The following AFF2 variants were observed in gnomAD, a reference collection of about 807,000 sequenced individuals.
AFF2 encodes the protein AF4/FMR2 family member 2.
A neutral mutation model predicts 76.9 loss-of-function variants in AFF2; 14 were observed. The ratio of observed to expected loss-of-function variants is 0.18; its 90% CI spans 0.12 to 0.28. AFF2 has a LOEUF of 0.28. Among genes scored for constraint, AFF2 ranks in the 10% least tolerant of loss-of-function variants. The probability of loss-of-function intolerance (pLI) is 1.00; values close to 1 mark genes in which losing one functional copy is unlikely to be tolerated. For missense variants in AFF2, 868 were observed against 1,001.1 expected (o/e 0.87, Z 1.79); for synonymous variants, 398 against 366.7 (o/e 1.09, Z -0.98).
At chrX:148,947,944 A>G (rs1188688461) in intron 9 of AFF2, among the ~76,000 whole-genome samples, 2 of 112,459 alleles carry the variant, frequency 1.8e-5, no homozygotes, top group Admixed American at 1.9e-4. Context: ...CCCATTAAAC[A>G]TGTCTTGCTC....
At position 148,998,095 on chromosome X, in the gene AFF2, A is replaced by T. The variant is rs1178446554; in HGVS notation, c.*6763A>T. 8.9e-6 allele frequency: 1 copy of T among 111,854 alleles called. No individual in the cohort carries two copies. The highest frequency in any genetic ancestry group is 1.9e-5 in the Non-Finnish European group (1 of 53,201). The allele number at this position is 111,854 out of a possible 1,213,427, so 9.2% of individuals were successfully genotyped here. ...AATGTCAGTAGTGAGCCTTTTAGAG[A>T]TACCATGCTCAGAAATCCTCTTTGG... On this transcript the variant is annotated 3_prime_UTR_variant, in exon 21 of 21. Transcript: ENST00000370460.
intron 7 of AFF2, among the ~76,000 whole-genome samples, chrX:148,858,933 A>C (rs1323682016): frequency 9.2e-6 from 1 of 108,923 alleles, no homozygotes; most frequent in African/African-American, 3.3e-5. Flanking sequence ...AAAAGGGTAA[A>C]TGCTCAACCA....
intron 3 of AFF2, among the ~76,000 whole-genome samples, chrX:148,803,056 C>G (rs1319663641): frequency 9.0e-6 from 1 of 111,174 alleles, no homozygotes; most frequent in Non-Finnish European, 1.9e-5. Flanking sequence ...GATTTTGATC[C>G]TAAATGGTCT....
intron 2 of AFF2, among the ~76,000 whole-genome samples, chrX:148,656,593 G>A (rs1040073669): frequency 3.1e-5 from 3 of 97,023 alleles, no homozygotes; most frequent in South Asian, 1.1e-3. Context: ...TCCGCCTCCC[G>A]GGTTCACGCC....
At chrX:148,656,522 C>T (rs1376775960) in intron 2 of AFF2, among the ~76,000 whole-genome samples, 1 of 74,133 alleles carries the variant, frequency 1.3e-5, no homozygotes, top group South Asian at 8.4e-4. Context: ...TTTTTTGAGA[C>T]GGAGTCTCGC....
At chrX:148,572,374 A>G (rs138727740) in intron 1 of AFF2, among the ~76,000 whole-genome samples, 2 of 112,019 alleles carry the variant, frequency 1.8e-5, no homozygotes, top group African/African-American at 6.5e-5. Flanking sequence ...CTAAATATCG[A>G]ATTTTCATGT....
In AFF2 at chrX:148,653,892, C is replaced by T. The variant is rs190873983; in HGVS notation, c.180+1761C>T. ...AAAACAATTAATTTAGTTTTGAGTG[C>T]GTTGGCTTTGAGATGCTAGAGAGAT... On this transcript the variant is annotated intron_variant, in intron 2 of 20. Coordinates refer to ENST00000370460, the MANE Select transcript of AFF2 (RefSeq NM_002025.4). Among the ~76,000 whole-genome samples the T allele has an allele frequency of 6.8e-3, 755 of 111,188 alleles. 1 individual carries two copies. Among genetic ancestry groups the T allele is most frequent in the Non-Finnish European group, 0.011 (582 of 52,987 alleles).
chrX:148,562,789 C>T (rs1557240895), intron 1 of AFF2, among the ~76,000 whole-genome samples: 1 of 111,597 alleles, frequency 9.0e-6, no homozygotes, highest in African/African-American at 3.3e-5. Flanking sequence ...TGAAAGGGGC[C>T]TGCCAAACTG....
chrX:148,837,867 A>C (rs1382925027), intron 5 of AFF2, 134 bp downstream of exon 5: 2 of 431,868 alleles, frequency 4.6e-6, no homozygotes, highest in Non-Finnish European at 8.1e-6. Context: ...CCCTCAGAAT[A>C]GCAATATAAA....
chrX:148,920,248 G>A (rs782455631), intron 9 of AFF2, among the ~76,000 whole-genome samples: 31 of 111,395 alleles, frequency 2.8e-4, no homozygotes, highest in Non-Finnish European at 4.7e-4. Flanking sequence ...ATTGATCCTT[G>A]TAACATTTGG....
chrX:148,616,397 A>G (rs1437785423), intron 1 of AFF2, among the ~76,000 whole-genome samples: 2 of 111,546 alleles, frequency 1.8e-5, no homozygotes, highest in African/African-American at 6.5e-5. Context: ...GAATTTCTTT[A>G]CTTCTACCTT....
intron 19 of AFF2, among the ~76,000 whole-genome samples, chrX:148,985,285 CTTTTTTTTTTTTT>C (rs151339705): frequency 0.011 from 168 of 15,377 alleles, 3 homozygotes; most frequent in Middle Eastern, 0.33. Context: ...TGTGCCTGGC[CTTTTTTTTTTTTT>C]TTTTTTTTTT....
At chrX:148,797,010 C>T (rs782701839) in intron 3 of AFF2, among the ~76,000 whole-genome samples, 1 of 112,342 alleles carries the variant, frequency 8.9e-6, no homozygotes, top group Non-Finnish European at 1.9e-5. Flanking sequence ...CATTTTAATG[C>T]TTCCACTTTA....
chrX:148,693,264 G>A (rs1045511893), intron 3 of AFF2, among the ~76,000 whole-genome samples: 3 of 111,488 alleles, frequency 2.7e-5, no homozygotes, highest in Non-Finnish European at 5.7e-5. Flanking sequence ...ATTGGATGTG[G>A]GCTGCCCCAG....
intron 3 of AFF2, among the ~76,000 whole-genome samples, chrX:148,709,210 A>AGTTC (rs2054927213): frequency 8.9e-6 from 1 of 111,969 alleles, no homozygotes; most frequent in East Asian, 2.8e-4. Flanking sequence ...TTATTCAATA[A>AGTTC]AATACTAAAA....
At chrX:148,769,311 C>G (rs909290928) in intron 3 of AFF2, among the ~76,000 whole-genome samples, 1 of 111,669 alleles carries the variant, frequency 9.0e-6, no homozygotes, top group Non-Finnish European at 1.9e-5. Flanking sequence ...TAAAAGGCAG[C>G]TATAGTGTCA....
chrX:148,865,209 A>C (rs1357921100), intron 7 of AFF2, among the ~76,000 whole-genome samples: 5 of 112,648 alleles, frequency 4.4e-5, no homozygotes, highest in Admixed American at 2.8e-4. Context: ...GTGAAAGGAC[A>C]AAGGCTTCAT....
intron 18 of AFF2, 41 bp downstream of exon 18, chrX:148,978,496 A>G: frequency 1.1e-6 from 1 of 930,818 alleles, no homozygotes; most frequent in Non-Finnish European, 1.5e-6. Flanking sequence ...CAGGATGATA[A>G]AATCACTAAT....
At chrX:148,976,020 A>G (rs1557290240) in intron 16 of AFF2, among the ~76,000 whole-genome samples, 2 of 107,900 alleles carry the variant, frequency 1.9e-5, no homozygotes, top group African/African-American at 6.6e-5. Context: ...TGAATCATTA[A>G]GTAATTTTCT....
Sources: allele counts gnomAD v4.1 joint callset (sites outside exome capture counted in the v4.1 genomes callset), GRCh38; gene constraint gnomAD v4.1.1; transcripts MANE v1.5; gene names NCBI Gene and HGNC (gene_info 2026-07-23, HGNC 2026-07-21).